DAB1: variants seen among roughly 807,000 people sequenced by gnomAD.
DAB1 encodes the protein disabled homolog 1.
Under a neutral mutation model 64.6 loss-of-function variants are expected in DAB1, and 15 were observed. The ratio of observed to expected loss-of-function variants is 0.23; its 90% CI spans 0.16 to 0.36. The LOEUF (loss-of-function observed/expected upper bound fraction) is 0.36. Among genes scored for constraint, DAB1 ranks in the 10% least tolerant of loss-of-function variants. The pLI is 1.00. For synonymous variants in DAB1, 235 were observed against 251.9 expected, an observed-to-expected ratio of 0.93 and a Z score of 0.64; for missense variants, 596 against 706.7, an observed-to-expected ratio of 0.84 and a Z score of 1.78.
intron 5 of DAB1, among the ~76,000 whole-genome samples, chr1:58,006,817 CAT>C (rs1402061115): frequency 2.0e-5 from 3 of 152,190 alleles, no homozygotes; most frequent in East Asian, 1.9e-4. Context: ...GAAGGTGAAA[CAT>C]GTGGATTCTG....
At chr1:57,004,512 G>T (rs978256435) in intron 14 of DAB1, among the ~76,000 whole-genome samples, 1 of 152,096 alleles carries the variant, frequency 6.6e-6, no homozygotes, top group South Asian at 2.1e-4. Context: ...GCCCCATCCC[G>T]GGGGCCTAGG....
intron 7 of DAB1, among the ~76,000 whole-genome samples, chr1:57,610,252 C>T (rs148044192): frequency 1.4e-3 from 210 of 152,220 alleles, no homozygotes; most frequent in Non-Finnish European, 2.6e-3. Context: ...AAAAGTAGGT[C>T]CCAGTTATTG....
At chr1:57,097,744 T>C (rs1348568278) in intron 4 of DAB1, among the ~76,000 whole-genome samples, 1 of 147,086 alleles carries the variant, frequency 6.8e-6, no homozygotes, top group East Asian at 2.1e-4. Context: ...TGGAACTTTA[T>C]TTCTTTTTTA....
chr1:57,139,262 AAGG>A (rs2100804562), intron 3 of DAB1, among the ~76,000 whole-genome samples: 1 of 152,188 alleles, frequency 6.6e-6, no homozygotes, highest in East Asian at 1.9e-4. Flanking sequence ...GGCTTCAGAG[AAGG>A]AGTTCATTCC....
At chr1:57,238,891 ACACC>A (rs1232910786) in intron 2 of DAB1, among the ~76,000 whole-genome samples, 11 of 150,730 alleles carry the variant, frequency 7.3e-5, no homozygotes, top group African/African-American at 2.7e-4. Context: ...ACACACACAC[ACACC>A]CCTAACTTGA....
At position 57,037,403 on chromosome 1, in the gene DAB1, TTTGTAGCTTGGGG is replaced by T. The variant is rs1647205316; in HGVS notation, c.724-11373_724-11361del. The stretch of plus-strand genomic sequence containing the variant: ...CAGAGCAGAGCTATGCTGTATAATC[TTTGTAGCTTGGGG>T]TGGACAGTTGTGTGACAAGGACCAC... On this transcript the variant is annotated intron_variant, in intron 9 of 14. Coordinates refer to ENST00000371236, the MANE Select transcript of DAB1 (RefSeq NM_001365792.1). 2.0e-5 allele frequency among the ~76,000 whole-genome samples: 3 copies of T among 152,294 alleles called. No individual in the cohort carries two copies. The South Asian group carries it at 6.2e-4, about 32-fold the overall frequency.
At chr1:57,592,395 C>T (rs1249089755) in intron 7 of DAB1, among the ~76,000 whole-genome samples, 1 of 152,020 alleles carries the variant, frequency 6.6e-6, no homozygotes, top group East Asian at 1.9e-4. Context: ...AGTCAGGTGA[C>T]TGTGCAGGGT....
chr1:57,545,859 T>C (rs79079405), intron 7 of DAB1, among the ~76,000 whole-genome samples: 3,548 of 152,292 alleles, frequency 0.023, 157 homozygotes, highest in Admixed American at 0.12. Context: ...TTGTACTTTA[T>C]GGATGCTCAA....
At chr1:57,057,745 C>A (rs1380404702) in intron 9 of DAB1, among the ~76,000 whole-genome samples, 1 of 150,630 alleles carries the variant, frequency 6.6e-6, no homozygotes, top group African/African-American at 2.5e-5. Context: ...GCAGCTGGGA[C>A]TACAGGTGCC....
chr1:57,267,305 T>G (rs1322523463), intron 2 of DAB1, among the ~76,000 whole-genome samples: 1 of 151,974 alleles, frequency 6.6e-6, no homozygotes, highest in African/African-American at 2.4e-5. Flanking sequence ...TGATGTGGAC[T>G]TCTGGCCTCC....
chr1:57,288,838 C>A (rs1037891398), intron 2 of DAB1, among the ~76,000 whole-genome samples: 1 of 152,046 alleles, frequency 6.6e-6, no homozygotes, highest in African/African-American at 2.4e-5. Context: ...CACAGCTAAC[C>A]TTTGTTAAGC....
chr1:58,220,195 G>A (rs2100320602), intron 4 of DAB1, among the ~76,000 whole-genome samples: 1 of 152,308 alleles, frequency 6.6e-6, no homozygotes, highest in East Asian at 1.9e-4. Context: ...TGAAAATTTT[G>A]CAGGGATATT....
intron 5 of DAB1, among the ~76,000 whole-genome samples, chr1:58,040,846 T>C (rs1334975161): frequency 6.6e-6 from 1 of 152,196 alleles, no homozygotes; most frequent in East Asian, 1.9e-4. Flanking sequence ...TTCTCTCTTC[T>C]TTTCCTGAAC....
chr1:57,635,823 C>T (rs934945311), intron 7 of DAB1, among the ~76,000 whole-genome samples: 6 of 152,104 alleles, frequency 3.9e-5, no homozygotes, highest in Non-Finnish European at 5.9e-5. Context: ...TGGCCAGGTG[C>T]GGTGGCTCAC....
intron 8 of DAB1, among the ~76,000 whole-genome samples, chr1:57,066,916 G>T (rs1650965371): frequency 6.6e-6 from 1 of 152,130 alleles, no homozygotes; most frequent in Non-Finnish European, 1.5e-5. Context: ...AGAAAGCAAG[G>T]AGGTGAATAA....
intron 7 of DAB1, among the ~76,000 whole-genome samples, chr1:57,560,222 G>A (rs945023239): frequency 9.9e-5 from 15 of 152,190 alleles, no homozygotes; most frequent in Non-Finnish European, 1.9e-4. Context: ...TCAGTTCTCC[G>A]GCTTTGTGTC....
intron 5 of DAB1, among the ~76,000 whole-genome samples, chr1:58,106,134 CTCTT>C (rs745667109): frequency 5.7e-4 from 85 of 148,848 alleles, no homozygotes; most frequent in Admixed American, 4.0e-3. Context: ...TCTTTTCTTT[CTCTT>C]TCTTTCTTTT....
chr1:57,538,035 T>C (rs1453439920), intron 7 of DAB1, among the ~76,000 whole-genome samples: 1 of 151,946 alleles, frequency 6.6e-6, no homozygotes, highest in Non-Finnish European at 1.5e-5. Flanking sequence ...AATCTATCCA[T>C]GAGACATCCA....
intron 6 of DAB1, among the ~76,000 whole-genome samples, chr1:57,658,846 G>A (rs1036948187): frequency 5.8e-4 from 89 of 152,162 alleles, no homozygotes; most frequent in Non-Finnish European, 1.6e-4. Context: ...GATTACAGGC[G>A]TGTGCCCCTG....
Sources: gnomAD v4.1 joint callset for allele counts (sites outside exome capture counted in the v4.1 genomes callset) on GRCh38, gnomAD v4.1.1 for gene constraint, MANE v1.5 for transcripts, NCBI Gene and HGNC (gene_info 2026-07-23, HGNC 2026-07-21) for gene names.